Variants in DPP10 observed in about 807,000 individuals in gnomAD.
DPP10 encodes dipeptidyl peptidase like 10.
A neutral mutation model predicts 120.9 loss-of-function variants in DPP10; 33 were observed. The ratio of observed to expected loss-of-function variants is 0.27; its 90% CI spans 0.21 to 0.37. DPP10 has a LOEUF of 0.37. DPP10 is among the 10% of genes least tolerant of loss of function. DPP10 has a pLI of 1.00. For missense variants in DPP10, 816 were observed against 942.8 expected (o/e 0.87, Z 1.76); for synonymous variants, 337 against 326.1 (o/e 1.03, Z -0.36).
intron 3 of DPP10, among the ~76,000 whole-genome samples, chr2:115,413,382 T>G (rs961007270): frequency 6.6e-6 from 1 of 151,964 alleles, no homozygotes; most frequent in Non-Finnish European, 1.5e-5. Flanking sequence ...TCCATGAAAT[T>G]AAGGGAAGTG....
chr2:114,871,319 A>T lies in DPP10; in HGVS notation c.60+428481A>T, dbSNP rs193128270. 4.5e-3 allele frequency among the ~76,000 whole-genome samples: 678 copies of T among 152,314 alleles called. 4 individuals carry two copies. The highest frequency in any genetic ancestry group is 5.7e-3 in the Non-Finnish European group (389 of 68,034). ...TTACAAAGAAAATCAAGAATTTTTT[A>T]AAAAATTTGAATACTTTCTAATCAA... On this transcript the variant is annotated intron_variant, in intron 1 of 25. Coordinates refer to ENST00000410059, the MANE Select transcript of DPP10 (RefSeq NM_020868.6).
At chr2:115,073,200 T>G (rs1463783343) in intron 1 of DPP10, among the ~76,000 whole-genome samples, 1 of 152,268 alleles carries the variant, frequency 6.6e-6, no homozygotes, top group Non-Finnish European at 1.5e-5. Flanking sequence ...CATGTGTACA[T>G]GGAATTTAAA....
chr2:114,465,230 G>A (rs771389300), intron 1 of DPP10, among the ~76,000 whole-genome samples: 8 of 152,186 alleles, frequency 5.3e-5, no homozygotes, highest in Admixed American at 1.3e-4. Flanking sequence ...CGTGTCTTAG[G>A]TGCTATTAGA....
At chr2:114,529,620 T>G (rs1685790500) in intron 1 of DPP10, among the ~76,000 whole-genome samples, 1 of 152,174 alleles carries the variant, frequency 6.6e-6, no homozygotes, top group African/African-American at 2.4e-5. Context: ...AATTCTCTGC[T>G]CCTTTCTTGC....
intron 1 of DPP10, among the ~76,000 whole-genome samples, chr2:114,468,833 GA>G (rs1369254514): frequency 6.6e-6 from 1 of 152,098 alleles, no homozygotes; most frequent in Admixed American, 6.6e-5. Context: ...AGAAGTTAAT[GA>G]AATCATATCA....
intron 1 of DPP10, among the ~76,000 whole-genome samples, chr2:114,521,965 G>A (rs1191801782): frequency 1.3e-4 from 17 of 133,814 alleles, no homozygotes; most frequent in African/African-American, 2.5e-4. Context: ...CCGCCACCGC[G>A]CCCGGCTAAT....
chr2:115,669,883 A>G (rs1007691416), intron 5 of DPP10, among the ~76,000 whole-genome samples: 1 of 152,130 alleles, frequency 6.6e-6, no homozygotes, highest in African/African-American at 2.4e-5. Flanking sequence ...TTCCAAAACA[A>G]TATTAGACAT....
chr2:115,025,858 CT>C (rs1331889679), intron 1 of DPP10, among the ~76,000 whole-genome samples: 1 of 151,488 alleles, frequency 6.6e-6, no homozygotes, highest in African/African-American at 2.4e-5. Context: ...TTTGTGGGGT[CT>C]TTTTGGGTGT....
At chr2:114,748,338 C>CTTTTTTTTTTTTTTTTTTTT (rs1255227047) in intron 1 of DPP10, among the ~76,000 whole-genome samples, 1 of 70,322 alleles carries the variant, frequency 1.4e-5, no homozygotes, top group Non-Finnish European at 2.8e-5. Context: ...AGGGAATTTT[C>CTTTTTTTTTTTTTTTTTTTT]TTTTTTTTTT....
At chr2:115,685,594 C>G (rs887794550) in intron 5 of DPP10, among the ~76,000 whole-genome samples, 3 of 151,934 alleles carry the variant, frequency 2.0e-5, no homozygotes, top group Non-Finnish European at 2.9e-5. Flanking sequence ...ATTCAATAGT[C>G]ATTTATAAAC....
intron 1 of DPP10, among the ~76,000 whole-genome samples, chr2:115,190,459 C>T (rs1052364121): frequency 1.3e-5 from 2 of 152,150 alleles, no homozygotes; most frequent in African/African-American, 4.8e-5. Context: ...CCCCGCAATA[C>T]CACCACACAT....
intron 3 of DPP10, among the ~76,000 whole-genome samples, chr2:115,360,754 A>T (rs568173280): frequency 1.3e-5 from 2 of 152,264 alleles, no homozygotes; most frequent in South Asian, 4.1e-4. Context: ...GGTTGGCAGG[A>T]GACCCGTAGT....
At chr2:115,386,379 T>G (rs1574664584) in intron 3 of DPP10, among the ~76,000 whole-genome samples, 2 of 152,320 alleles carry the variant, frequency 1.3e-5, no homozygotes, top group East Asian at 3.9e-4. Flanking sequence ...GCATCACTCT[T>G]ACCTGTGAGA....
At position 114,844,443 on chromosome 2, in the gene DPP10, C is replaced by T. The variant is rs191608068; in HGVS notation, c.60+401605C>T. 2.6e-4 allele frequency among the ~76,000 whole-genome samples: 39 copies of T among 151,426 alleles called. 1 individual carries two copies. The highest frequency in any genetic ancestry group is 9.2e-4 in the African/African-American group (38 of 41,258). ...AACTTAATCTAGTATGGAGGTATTA[C>T]CAGGTTCTTGCTAAGGTTGAGAAAT... is the stretch of plus-strand genomic sequence containing the variant. On this transcript the variant is annotated intron_variant, in intron 1 of 25. Transcript: ENST00000410059.
intron 1 of DPP10, among the ~76,000 whole-genome samples, chr2:115,252,272 A>G (rs1314890227): frequency 3.3e-5 from 5 of 152,182 alleles, no homozygotes; most frequent in Admixed American, 6.5e-5. Flanking sequence ...GGCACACTGG[A>G]TAATAAGTAC....
intron 2 of DPP10, among the ~76,000 whole-genome samples, chr2:115,310,405 A>G (rs919472197): frequency 4.6e-5 from 7 of 152,176 alleles, no homozygotes; most frequent in South Asian, 2.1e-4. Context: ...GGCAGTATCA[A>G]TTGTTCCAGT....
chr2:115,337,308 G>T (rs952197856), intron 2 of DPP10, among the ~76,000 whole-genome samples: 4 of 152,026 alleles, frequency 2.6e-5, no homozygotes, highest in Non-Finnish European at 5.9e-5. Flanking sequence ...TGGAAGAAGG[G>T]TTCTAGTGGC....
chr2:114,758,697 C>A (rs142960633), intron 1 of DPP10, among the ~76,000 whole-genome samples: 1 of 151,908 alleles, frequency 6.6e-6, no homozygotes, highest in Non-Finnish European at 1.5e-5. Context: ...AAAAAAAAGG[C>A]TAAATTAGAG....
At chr2:114,660,576 T>C (rs1697325327) in intron 1 of DPP10, among the ~76,000 whole-genome samples, 1 of 152,234 alleles carries the variant, frequency 6.6e-6, no homozygotes, top group South Asian at 2.1e-4. Flanking sequence ...ACTTGATTCC[T>C]GACTTTGAAA....
Sources: gnomAD v4.1 joint callset for allele counts (sites outside exome capture counted in the v4.1 genomes callset) on GRCh38, gnomAD v4.1.1 for gene constraint, MANE v1.5 for transcripts, NCBI Gene and HGNC (gene_info 2026-07-23, HGNC 2026-07-21) for gene names.